The following UIMC1 variants were observed in gnomAD, a reference collection of about 807,000 sequenced individuals.
UIMC1 encodes BRCA1-A complex subunit RAP80.
Under a neutral mutation model 84.9 loss-of-function variants are expected in UIMC1, and 42 were observed. The observed-to-expected ratio is 0.49, with a 90% CI of 0.39 to 0.64. The LOEUF is 0.64. Ranked by LOEUF, UIMC1 falls within the 30% of genes least tolerant of loss-of-function variation. The pLI is 0.00. For synonymous variants in UIMC1, 281 were observed against 293.0 expected (o/e 0.96, Z 0.42); for missense variants, 825 against 847.6 (o/e 0.97, Z 0.33).
chr5:176,975,716 A>G (rs1423150366), intron 2 of UIMC1, among the ~76,000 whole-genome samples: 1 of 152,242 alleles, frequency 6.6e-6, no homozygotes, highest in Non-Finnish European at 1.5e-5. Context: ...TGTCATATAA[A>G]CAGTCAGACA....
chr5:176,929,666 T>C (rs1762847062), intron 10 of UIMC1, among the ~76,000 whole-genome samples: 2 of 152,206 alleles, frequency 1.3e-5, no homozygotes, highest in African/African-American at 2.4e-5. Context: ...GATGAATGAC[T>C]AGGTAGAATA....
At chr5:176,935,723 C>T (rs186761309) in intron 10 of UIMC1, among the ~76,000 whole-genome samples, 1 of 152,154 alleles carries the variant, frequency 6.6e-6, no homozygotes, top group African/African-American at 2.4e-5. Context: ...CCAACTTTGT[C>T]TAATTTAAGA....
chr5:176,982,143 A>C (rs1241654439), intron 2 of UIMC1, among the ~76,000 whole-genome samples: 1 of 152,170 alleles, frequency 6.6e-6, no homozygotes, highest in African/African-American at 2.4e-5. Context: ...AGACTTAAGA[A>C]CATTCACGTG....
intron 10 of UIMC1, among the ~76,000 whole-genome samples, chr5:176,915,793 C>CAAAAAAAAAAAAAAAAAAAAAAAAAAAA (rs58297107): frequency 2.3e-5 from 1 of 42,664 alleles, no homozygotes; most frequent in Non-Finnish European, 4.8e-5. Flanking sequence ...GGTCACAAAG[C>CAAAAAAAAAAAAAAAAAAAAAAAAAAAA]AAAAAAAAAA....
chr5:177,010,116 C>T (rs946161680), upstream of UIMC1, among the ~76,000 whole-genome samples: 3 of 151,706 alleles, frequency 2.0e-5, no homozygotes, highest in African/African-American at 4.8e-5. Flanking sequence ...CTCGAGAGGC[C>T]GAGGCAGAAG....
At chr5:176,922,343 C>A (rs920543958) in intron 10 of UIMC1, among the ~76,000 whole-genome samples, 40 of 152,328 alleles carry the variant, frequency 2.6e-4, no homozygotes, top group Middle Eastern at 3.4e-3. Context: ...CAGTGATCTT[C>A]TGAATTACTC....
intron 1 of UIMC1, among the ~76,000 whole-genome samples, chr5:176,990,233 A>C (rs1191032971): frequency 2.0e-5 from 3 of 151,870 alleles, no homozygotes; most frequent in Non-Finnish European, 4.4e-5. Flanking sequence ...GAAGTCATGA[A>C]GACACAGCAC....
chr5:176,917,852 C>T (rs565371023), intron 10 of UIMC1, among the ~76,000 whole-genome samples: 1 of 151,988 alleles, frequency 6.6e-6, no homozygotes, highest in Non-Finnish European at 1.5e-5. Flanking sequence ...TCAGCTACTT[C>T]GGAGGCTGAG....
chr5:176,975,966 G>A (rs1440578873), intron 2 of UIMC1, among the ~76,000 whole-genome samples: 4 of 151,672 alleles, frequency 2.6e-5, no homozygotes, highest in Admixed American at 1.3e-4. Context: ...AATAAGAAAC[G>A]CAAACAAAAT....
chr5:176,955,994 G>T lies in UIMC1; in HGVS notation c.1304C>A (p.Pro435Gln). ...LTSKRSLVLM[P>Q]ESSAEEITVC... ...AGTGATTTCTTCTGCAGAACTCTCT[G>T]GCATAAGGACTAAGCTTCTCTTACT... The change falls in exon 8 of 15, where the codon CCA (proline) becomes CAA (glutamine). Residue 435 changes from proline to glutamine, a missense_variant. Pro to Gln is a moderately conservative substitution (Grantham distance 76, BLOSUM62 -1). Coordinates refer to ENST00000511320, the MANE Select transcript of UIMC1 (RefSeq NM_001199298.2). The T allele has an allele frequency of 2.5e-6, 4 of 1,613,212 alleles. No individual in the cohort carries two copies. Among genetic ancestry groups the T allele is most frequent in the Non-Finnish European group, 3.4e-6 (4 of 1,179,536 alleles).
At position 176,968,934 on chromosome 5, in the gene UIMC1, A is replaced by G; in HGVS notation, c.821T>C (p.Val274Ala). 1.2e-6 allele frequency: 2 copies of G among 1,614,168 alleles called. No homozygotes were observed. Among genetic ancestry groups the G allele is most frequent in the South Asian group, 2.2e-5 (2 of 91,088 alleles). Reference sequence around the variant, plus strand: ...GAATGGAATACCCCAGAAATAGTTCACAGTGCCCCCAGTGTCCTGGAGACC... The same window carrying G: ...GAATGGAATACCCCAGAAATAGTTCGCAGTGCCCCCAGTGTCCTGGAGACC... ...AKGLQDTGGT[V>A]NYFWGIPFCP... Residue 274 changes from valine to alanine, a missense_variant, in exon 6 of 15, where the codon GTG becomes GCG. Coordinates refer to ENST00000511320, the MANE Select transcript of UIMC1 (RefSeq NM_001199298.2).
upstream of UIMC1, among the ~76,000 whole-genome samples, chr5:177,007,981 A>T (rs7726380): frequency 1.3e-5 from 2 of 151,660 alleles, no homozygotes; most frequent in Admixed American, 1.3e-4. Context: ...GGTACATGCC[A>T]GTAATCCCAG....
At chr5:176,942,745 T>TAAAAA (rs1044619072) in intron 10 of UIMC1, among the ~76,000 whole-genome samples, 4 of 76,134 alleles carry the variant, frequency 5.3e-5, no homozygotes, top group African/African-American at 1.5e-4. Flanking sequence ...GACTCCGTCT[T>TAAAAA]AAAAAAAAAA....
intron 9 of UIMC1, among the ~76,000 whole-genome samples, chr5:176,945,994 C>A (rs1765060072): frequency 6.6e-6 from 1 of 152,152 alleles, no homozygotes; most frequent in Non-Finnish European, 1.5e-5. Flanking sequence ...CTTCTACATA[C>A]AAATGTTATG....
intron 1 of UIMC1, among the ~76,000 whole-genome samples, chr5:176,991,017 AT>A (rs569504369): frequency 6.6e-6 from 1 of 150,450 alleles, no homozygotes. Flanking sequence ...TTTTATTTTT[AT>A]TTTTTTTGAG....
At chr5:177,011,538 G>T (rs1054360434), upstream of UIMC1, among the ~76,000 whole-genome samples, 2 of 151,988 alleles carry the variant, frequency 1.3e-5, no homozygotes, top group African/African-American at 4.8e-5. Context: ...AGCTATGATT[G>T]AGCCACTGTA....
At position 176,969,020 on chromosome 5, in the gene UIMC1, T is replaced by C; in HGVS notation, c.735A>G (p.Lys245=). The C allele has an allele frequency of 3.7e-6, 6 of 1,614,182 alleles. No individual in the cohort carries two copies. Among genetic ancestry groups the C allele is most frequent in the Non-Finnish European group, 5.1e-6 (6 of 1,180,034 alleles). The part of the protein sequence containing the change: ...ESTGRGSAFL[K]AVQGSGDTSR... ...ATGTGTCCCCGCTACCCTGGACAGC[T>C]TTGAGAAAAGCAGAACCCCTCCCAG... Residue 245 remains lysine, a synonymous_variant, in exon 6 of 15, where the codon AAA becomes AAG. Transcript: ENST00000511320.
At chr5:176,933,802 C>T (rs1484182485) in intron 10 of UIMC1, among the ~76,000 whole-genome samples, 2 of 152,042 alleles carry the variant, frequency 1.3e-5, no homozygotes, top group Admixed American at 6.6e-5. Flanking sequence ...TCCCAATGTG[C>T]TTGGATTACA....
chr5:176,942,591 C>A (rs1212476353), intron 10 of UIMC1, among the ~76,000 whole-genome samples: 1 of 149,556 alleles, frequency 6.7e-6, no homozygotes, highest in South Asian at 2.1e-4. Context: ...AAAAAAAATA[C>A]AAAAATTAGC....
Sources: allele counts gnomAD v4.1 joint callset (sites outside exome capture counted in the v4.1 genomes callset), GRCh38; gene constraint gnomAD v4.1.1; transcripts MANE v1.5; gene names NCBI Gene and HGNC (gene_info 2026-07-23, HGNC 2026-07-21).